HIVEP3: variants seen among roughly 807,000 people sequenced by gnomAD.
The protein encoded by HIVEP3 is HIVEP zinc finger 3, also known as transcription factor HIVEP3.
Under a neutral mutation model 152.8 loss-of-function variants are expected in HIVEP3, and 49 were observed. The observed-to-expected ratio is 0.32, with a 90% CI of 0.26 to 0.41. The LOEUF (loss-of-function observed/expected upper bound fraction) is 0.41, where lower values mean the gene tolerates loss of function less well. Ranked by LOEUF, HIVEP3 falls within the 10% of genes least tolerant of loss-of-function variation. The probability of loss-of-function intolerance (pLI) is 1.00; values close to 1 mark genes in which losing one functional copy is unlikely to be tolerated. For missense variants in HIVEP3, 2,790 were observed against 3,103.3 expected (o/e 0.90, Z 2.40); for synonymous variants, 1,269 against 1,289.0 (o/e 0.98, Z 0.33).
rs368440630 is a variant in HIVEP3 at position 41,807,241 on chromosome 1, T to C, written c.-800-106246A>G. 4.4e-3 allele frequency among the ~76,000 whole-genome samples: 667 copies of C among 152,206 alleles called. 10 individuals are homozygous for C. The highest frequency in any genetic ancestry group is 0.016 in the African/African-American group (645 of 41,532). On this transcript the variant is annotated intron_variant, in intron 1 of 8. Coordinates refer to ENST00000372583, the MANE Select transcript of HIVEP3 (RefSeq NM_024503.5). The stretch of plus-strand genomic sequence containing the variant: ...CTCACCCTCACGGGGAGGGCCCCCA[T>C]GGTGTTAGCCAGGGCTCAAGAATGA...
intron 1 of HIVEP3, among the ~76,000 whole-genome samples, chr1:41,961,060 A>G (rs1384899310): frequency 1.3e-5 from 2 of 152,240 alleles, no homozygotes; most frequent in Non-Finnish European, 2.9e-5. Flanking sequence ...AAGGCTGGTC[A>G]TAAAAGACAA....
At chr1:41,589,747 G>C (rs1401759826) in intron 3 of HIVEP3, among the ~76,000 whole-genome samples, 1 of 152,186 alleles carries the variant, frequency 6.6e-6, no homozygotes, top group Non-Finnish European at 1.5e-5. Context: ...GATGTCCAAG[G>C]AGCTGTTAGG....
chr1:42,018,394 A>G (rs1365485655), intron 1 of HIVEP3, among the ~76,000 whole-genome samples: 1 of 151,720 alleles, frequency 6.6e-6, no homozygotes, highest in Non-Finnish European at 1.5e-5. Context: ...TGCAGCTAGA[A>G]TTGATATTTG....
chr1:41,986,106 C>T (rs866422343), intron 1 of HIVEP3, among the ~76,000 whole-genome samples: 2 of 152,110 alleles, frequency 1.3e-5, no homozygotes, highest in Admixed American at 6.5e-5. Context: ...CTATCTGTAC[C>T]TTAGTTTCCT....
chr1:41,705,257 A>G (rs758488563), intron 1 of HIVEP3, among the ~76,000 whole-genome samples: 1 of 152,102 alleles, frequency 6.6e-6, no homozygotes, highest in Non-Finnish European at 1.5e-5. Flanking sequence ...TTCTTTCTCT[A>G]CGCTCTCATC....
chr1:41,670,216 C>T (rs1645853955), intron 2 of HIVEP3, among the ~76,000 whole-genome samples: 1 of 152,136 alleles, frequency 6.6e-6, no homozygotes, highest in Admixed American at 6.5e-5. Context: ...CACCCATGTC[C>T]TCATGGGTGT....
chr1:41,637,035 A>G (rs947158724), intron 2 of HIVEP3, among the ~76,000 whole-genome samples: 1 of 152,134 alleles, frequency 6.6e-6, no homozygotes, highest in Non-Finnish European at 1.5e-5. Context: ...GCTACCATCA[A>G]GTGGTGGAGG....
intron 1 of HIVEP3, among the ~76,000 whole-genome samples, chr1:41,929,630 G>C (rs771828175): frequency 6.6e-6 from 1 of 151,390 alleles, no homozygotes; most frequent in Non-Finnish European, 1.5e-5. Context: ...TCAGTAGACA[G>C]AGCTAGGAAA....
At position 41,581,123 on chromosome 1, in the gene HIVEP3, G is replaced by A; in HGVS notation, c.3675C>T (p.Pro1225=). 6.4e-7 allele frequency: 1 copy of A among 1,553,638 alleles called. No homozygotes were observed. The highest frequency in any genetic ancestry group is 8.7e-7 in the Non-Finnish European group (1 of 1,150,058). The part of the protein sequence containing the change: ...IPFRQPPSFL[P]MPYPTSSALS... ...GTGCTGAGGAGGTCGGGTATGGCAT[G>A]GGGAGGAAGGAAGGGGGCTGCCTGA... is the stretch of plus-strand genomic sequence containing the variant. The change falls in exon 4 of 9, where the codon CCC becomes CCT. Residue 1225 remains proline, a synonymous_variant. Coordinates refer to ENST00000372583, the MANE Select transcript of HIVEP3 (RefSeq NM_024503.5). The surrounding 1 kb of genome is among the most constrained non-coding windows in gnomAD (Gnocchi z 4.5).
intron 6 of HIVEP3, among the ~76,000 whole-genome samples, chr1:41,521,265 C>G (rs1409627422): frequency 1.3e-5 from 2 of 152,226 alleles, no homozygotes; most frequent in Admixed American, 6.5e-5. Flanking sequence ...CTCTATTGAG[C>G]AGCCCAGGGG....
At chr1:41,843,714 T>C (rs1643354142) in intron 1 of HIVEP3, among the ~76,000 whole-genome samples, 1 of 152,198 alleles carries the variant, frequency 6.6e-6, no homozygotes, top group Non-Finnish European at 1.5e-5. Flanking sequence ...CTAAATGAAA[T>C]TTCTGGAGGC....
chr1:42,034,905 T>C (rs1645632442), intron 1 of HIVEP3, among the ~76,000 whole-genome samples: 1 of 152,012 alleles, frequency 6.6e-6, no homozygotes, highest in Non-Finnish European at 1.5e-5. Flanking sequence ...GCCGTGCCAT[T>C]ATTACCAAAG....
Position 41,580,467 on chromosome 1 carries a change from G to A in HIVEP3, c.4331C>T (p.Thr1444Ile), listed in dbSNP as rs762824896. 10 of 1,613,980 alleles carry A rather than the reference G, an allele frequency of 6.2e-6. No homozygotes were observed. The highest frequency in any genetic ancestry group is 1.7e-5 in the Admixed American group (1 of 59,990). The change falls in exon 4 of 9, where the codon ACC becomes ATC. Residue 1444 changes from threonine to isoleucine, a missense_variant. Transcript: ENST00000372583. Reference protein sequence around the residue: ...PAGSLELTMETQQQKRVKEEE... With the variant: ...PAGSLELTMEIQQQKRVKEEE... ...CTCCTTCACTCTTTTTTGCTGCTGG[G>A]TTTCCATGGTAAGTTCAAGGCTGCC... is the stretch of plus-strand genomic sequence containing the variant.
At chr1:41,835,689 C>G (rs968868927) in intron 1 of HIVEP3, among the ~76,000 whole-genome samples, 5 of 152,034 alleles carry the variant, frequency 3.3e-5, no homozygotes, top group Admixed American at 6.6e-5. Context: ...GTAGATCACG[C>G]TAATATTCCT....
chr1:41,616,067 G>A (rs1202181377), intron 3 of HIVEP3, among the ~76,000 whole-genome samples: 1 of 152,040 alleles, frequency 6.6e-6, no homozygotes, highest in African/African-American at 2.4e-5. Context: ...ACATGCCCCA[G>A]GTGGGGAGCT....
intron 2 of HIVEP3, among the ~76,000 whole-genome samples, chr1:41,669,131 T>C (rs1457357644): frequency 1.3e-5 from 2 of 152,168 alleles, no homozygotes; most frequent in Non-Finnish European, 2.9e-5. Context: ...TGCAACTTGC[T>C]CCTCAAACCC....
chr1:41,717,506 A>G (rs1646612927), intron 1 of HIVEP3, among the ~76,000 whole-genome samples: 1 of 152,206 alleles, frequency 6.6e-6, no homozygotes, highest in East Asian at 1.9e-4. Context: ...AGGCTTCTCT[A>G]AGGAGATGAG....
At chr1:41,760,324 G>A (rs1198978449) in intron 1 of HIVEP3, among the ~76,000 whole-genome samples, 8 of 152,272 alleles carry the variant, frequency 5.3e-5, no homozygotes, top group Non-Finnish European at 1.0e-4. Context: ...GGTGGGGGCC[G>A]GGGGACTGGT....
intron 1 of HIVEP3, among the ~76,000 whole-genome samples, chr1:41,738,568 A>C (rs1646951350): frequency 6.6e-6 from 1 of 152,212 alleles, no homozygotes; most frequent in African/African-American, 2.4e-5. Flanking sequence ...AAGATAGTAG[A>C]GTCTGAGGCA....
Sources: gnomAD v4.1 joint callset for allele counts (sites outside exome capture counted in the v4.1 genomes callset) on GRCh38, gnomAD v4.1.1 for gene constraint, Gnocchi (gnomAD v3.1) non-coding constraint, MANE v1.5 for transcripts, NCBI Gene and HGNC (gene_info 2026-07-23, HGNC 2026-07-21) for gene names.